Variants in RGS20 observed in about 807,000 individuals in gnomAD.
RGS20 encodes the protein gz-selective GTPase-activating protein.
A neutral mutation model predicts 33.6 loss-of-function variants in RGS20; 30 were observed. That is an observed-to-expected ratio of 0.89 (90% CI 0.67 to 1.21). The LOEUF (loss-of-function observed/expected upper bound fraction) is 1.21. RGS20 is among the 50% of genes most tolerant of loss of function. The probability of loss-of-function intolerance (pLI) is 0.00; values close to 1 mark genes in which losing one functional copy is unlikely to be tolerated. For missense variants in RGS20, 472 were observed against 502.4 expected (o/e 0.94, Z 0.58); for synonymous variants, 208 against 197.9 (o/e 1.05, Z -0.43).
chr8:53,866,934 G>C (rs948062053), intron 1 of RGS20, among the ~76,000 whole-genome samples: 1 of 152,140 alleles, frequency 6.6e-6, no homozygotes, highest in African/African-American at 2.4e-5. Flanking sequence ...TGTGTCCTAA[G>C]AGAGGGCATT....
At chr8:53,889,718 A>G (rs1345352079) in intron 2 of RGS20, among the ~76,000 whole-genome samples, 2 of 93,020 alleles carry the variant, frequency 2.2e-5, no homozygotes, top group African/African-American at 8.1e-5. Flanking sequence ...CCATCTGTCA[A>G]AATTCTGTGT....
At chr8:53,882,157 G>T (rs1269977790) in intron 2 of RGS20, among the ~76,000 whole-genome samples, 1 of 152,178 alleles carries the variant, frequency 6.6e-6, no homozygotes, top group African/African-American at 2.4e-5. Context: ...GGGCGTTTTG[G>T]GGAAAGGTTT....
intron 4 of RGS20, among the ~76,000 whole-genome samples, chr8:53,952,874 A>T (rs1368087266): frequency 6.6e-6 from 1 of 152,230 alleles, no homozygotes; most frequent in East Asian, 1.9e-4. Context: ...TGACAGAAGT[A>T]AGAATTAACT....
chr8:53,946,355 G>A (rs770557036), intron 3 of RGS20, among the ~76,000 whole-genome samples: 78 of 151,986 alleles, frequency 5.1e-4, no homozygotes, highest in Non-Finnish European at 9.7e-4. Context: ...GAGCCACCGC[G>A]CCGAACCCTT....
At chr8:53,885,420 T>C (rs1222399503) in intron 2 of RGS20, among the ~76,000 whole-genome samples, 1 of 152,188 alleles carries the variant, frequency 6.6e-6, no homozygotes, top group Non-Finnish European at 1.5e-5. Context: ...GAGACCATCC[T>C]GGCTAATGCG....
chr8:53,917,860 C>T (rs1258392005), intron 2 of RGS20, among the ~76,000 whole-genome samples: 1 of 152,146 alleles, frequency 6.6e-6, no homozygotes, highest in Non-Finnish European at 1.5e-5. Flanking sequence ...CAAAAGAAAC[C>T]TTGTACCCAT....
chr8:53,936,154 C>T lies in RGS20; in HGVS notation c.511-3422C>T, dbSNP rs192110739. On this transcript the variant is annotated intron_variant, in intron 2 of 5. Transcript: ENST00000297313. ...CACAACCAATATCATGTTGAATGGA[C>T]AAAAGCTGGAAGCATTCCCTTTGAA... Among the ~76,000 whole-genome samples the T allele has an allele frequency of 7.6e-4, 115 of 152,268 alleles. 2 individuals carry two copies. The highest frequency in any genetic ancestry group is 2.6e-3 in the African/African-American group (108 of 41,554).
At chr8:53,934,477 C>A (rs113127892) in intron 2 of RGS20, among the ~76,000 whole-genome samples, 7,443 of 152,184 alleles carry the variant, frequency 0.049, 474 homozygotes, top group African/African-American at 0.14. Flanking sequence ...ATAAAACAGA[C>A]TTTAAACCAA....
In RGS20 at chr8:53,879,253, C is replaced by A; in HGVS notation, c.166-5C>A. 1 of 1,612,738 alleles carries A rather than the reference C, an allele frequency of 6.2e-7. No homozygotes were observed. Among genetic ancestry groups the A allele is most frequent in the Non-Finnish European group, 8.5e-7 (1 of 1,179,012 alleles). Reference sequence around the variant, plus strand: ...GCTGGTTTTGTTTCTCTCTCCCCACCCCAGTCCTTCCCGCCTGCACAGCTC... The same window carrying A: ...GCTGGTTTTGTTTCTCTCTCCCCACACCAGTCCTTCCCGCCTGCACAGCTC... On this transcript the variant is annotated splice_region_variant and splice_polypyrimidine_tract_variant and intron_variant, in intron 1 of 5. Coordinates refer to ENST00000297313, the MANE Select transcript of RGS20 (RefSeq NM_170587.4).
chr8:53,855,619 A>G (rs1466849972), intron 1 of RGS20, among the ~76,000 whole-genome samples: 3 of 152,182 alleles, frequency 2.0e-5, no homozygotes, highest in African/African-American at 4.8e-5. Context: ...AGCTCTGTGA[A>G]TGGTACCAAT....
intron 1 of RGS20, among the ~76,000 whole-genome samples, chr8:53,853,406 A>T (rs1811608110): frequency 6.6e-6 from 1 of 152,206 alleles, no homozygotes; most frequent in African/African-American, 2.4e-5. Context: ...CCTGGAATCG[A>T]CCACACATGC....
intron 2 of RGS20, among the ~76,000 whole-genome samples, chr8:53,917,987 T>C (rs1286029708): frequency 6.6e-6 from 1 of 152,206 alleles, no homozygotes; most frequent in East Asian, 1.9e-4. Flanking sequence ...TTATACAACA[T>C]GTGGACTTCG....
rs2129289762 is a variant in RGS20, at chr8:53,937,490, A to G, written c.511-2086A>G. On this transcript the variant is annotated intron_variant, in intron 2 of 5. Transcript: ENST00000297313. Reference sequence around the variant, plus strand: ...AGGCATGAGCAAAGACTTCATGACTAAAACACCAAAAGCAATGGTAATAAA... The same window carrying G: ...AGGCATGAGCAAAGACTTCATGACTGAAACACCAAAAGCAATGGTAATAAA... Among the ~76,000 whole-genome samples the G allele has an allele frequency of 2.0e-5, 3 of 152,250 alleles. 1 individual carries two copies. The highest frequency in any genetic ancestry group is 2.0e-4 in the Admixed American group (3 of 15,294).
chr8:53,909,209 GTA>G (rs1178436696), intron 2 of RGS20, among the ~76,000 whole-genome samples: 5,589 of 43,412 alleles, frequency 0.13, 143 homozygotes, highest in African/African-American at 0.15. Flanking sequence ...TGGTATGTGT[GTA>G]TATATATATA....
intron 1 of RGS20, among the ~76,000 whole-genome samples, chr8:53,861,985 C>G (rs747798401): frequency 1.3e-5 from 2 of 152,114 alleles, no homozygotes; most frequent in African/African-American, 4.8e-5. Flanking sequence ...CCAACCATTG[C>G]CCCACATGGA....
At chr8:53,935,836 G>A (rs890926179) in intron 2 of RGS20, among the ~76,000 whole-genome samples, 2 of 152,142 alleles carry the variant, frequency 1.3e-5, no homozygotes, top group Admixed American at 1.3e-4. Flanking sequence ...GAACATCAAT[G>A]CGAACATCCT....
Position 53,939,641 on chromosome 8 carries a change from C to A in RGS20, c.576C>A (p.Gly192=), listed in dbSNP as rs1456259699. 1 of 1,600,922 alleles carries A rather than the reference C, an allele frequency of 6.2e-7. No individual in the cohort carries two copies. The highest frequency in any genetic ancestry group is 1.7e-5 in the Admixed American group (1 of 57,608). The stretch of plus-strand genomic sequence containing the variant: ...TGCCCGCCGCCCAGGACACACCAGG[C>A]GCCGCCCCAGGCCAGCCCGGAGCGG... Residue 192 remains glycine, a synonymous_variant, in exon 3 of 6, where the codon GGC becomes GGA. Coordinates refer to ENST00000297313, the MANE Select transcript of RGS20 (RefSeq NM_170587.4).
chr8:53,941,584 C>G (rs372578177), intron 3 of RGS20, among the ~76,000 whole-genome samples: 73 of 152,244 alleles, frequency 4.8e-4, no homozygotes, highest in African/African-American at 1.7e-3. Context: ...CAATGACATA[C>G]AATCAAATAA....
intron 3 of RGS20, 28 bp from the exon 3 acceptor site, chr8:53,946,637 T>C: frequency 6.3e-7 from 1 of 1,584,334 alleles, no homozygotes; most frequent in South Asian, 1.1e-5. Flanking sequence ...GACTGAGCTG[T>C]CAACATGTGA....
Sources: gnomAD v4.1 joint callset for allele counts (sites outside exome capture counted in the v4.1 genomes callset) on GRCh38, gnomAD v4.1.1 for gene constraint, MANE v1.5 for transcripts, NCBI Gene and HGNC (gene_info 2026-07-23, HGNC 2026-07-21) for gene names.